DLG2: variants seen among roughly 807,000 people sequenced by gnomAD.
DLG2 encodes the protein disks large homolog 2.
In DLG2, 45 loss-of-function variants were observed where a neutral mutation model predicts 132.5. The observed-to-expected ratio is 0.34, with a 90% CI of 0.27 to 0.44. The LOEUF is 0.44. Among genes scored for constraint, DLG2 ranks in the 20% least tolerant of loss-of-function variants. DLG2 has a pLI of 1.00. For missense variants in DLG2, 1,045 were observed against 1,196.9 expected, an observed-to-expected ratio of 0.87 and a Z score of 1.87; for synonymous variants, 424 against 419.6, an observed-to-expected ratio of 1.01 and a Z score of -0.13.
intron 14 of DLG2, among the ~76,000 whole-genome samples, chr11:83,943,370 A>C (rs2083097615): frequency 6.6e-6 from 1 of 152,248 alleles, no homozygotes; most frequent in South Asian, 2.1e-4. Context: ...AGATCCACAC[A>C]TTCTTAACCC....
chr11:85,271,249 T>C (rs951988445), intron 4 of DLG2, among the ~76,000 whole-genome samples: 1 of 152,224 alleles, frequency 6.6e-6, no homozygotes, highest in African/African-American at 2.4e-5. Context: ...TGCTTTCATG[T>C]GGCATTGAGC....
At chr11:84,819,076 T>TACACACACACACATAC (rs2077386092) in intron 6 of DLG2, among the ~76,000 whole-genome samples, 1 of 129,420 alleles carries the variant, frequency 7.7e-6, no homozygotes, top group Non-Finnish European at 1.6e-5. Flanking sequence ...CACTCACAAA[T>TACACACACACACATAC]ACACACACAC....
chr11:84,650,583 G>C (rs189532815), intron 6 of DLG2, among the ~76,000 whole-genome samples: 2 of 152,050 alleles, frequency 1.3e-5, no homozygotes, highest in East Asian at 3.9e-4. Flanking sequence ...AGACACAGAG[G>C]GATTAAGAAA....
chr11:84,979,760 C>A (rs932890721), intron 6 of DLG2, among the ~76,000 whole-genome samples: 2 of 151,968 alleles, frequency 1.3e-5, no homozygotes, highest in South Asian at 2.1e-4. Context: ...ACATATGTAA[C>A]AAACCTGCAT....
chr11:85,521,419 G>A (rs2074303456), intron 3 of DLG2, among the ~76,000 whole-genome samples: 1 of 152,204 alleles, frequency 6.6e-6, no homozygotes, highest in Non-Finnish European at 1.5e-5. Flanking sequence ...GTGGAACTGT[G>A]AGTCAATTAA....
chr11:84,018,891 C>G (rs1322602045), intron 11 of DLG2, among the ~76,000 whole-genome samples: 1 of 150,842 alleles, frequency 6.6e-6, no homozygotes, highest in Non-Finnish European at 1.5e-5. Flanking sequence ...TCCAGGAAAA[C>G]ATATAGGAAT....
chr11:84,914,977 A>G (rs1171929982), intron 6 of DLG2, among the ~76,000 whole-genome samples: 1 of 152,208 alleles, frequency 6.6e-6, no homozygotes, highest in Non-Finnish European at 1.5e-5. Context: ...GGCCAGGGAC[A>G]GGGAAGTAAG....
intron 4 of DLG2, among the ~76,000 whole-genome samples, chr11:85,267,383 A>G (rs1405907783): frequency 3.9e-5 from 6 of 152,216 alleles, no homozygotes; most frequent in African/African-American, 1.4e-4. Context: ...CTGTTTTGGC[A>G]GCCCGAACTG....
chr11:85,218,707 A>G (rs990426802), intron 4 of DLG2, among the ~76,000 whole-genome samples: 3 of 152,206 alleles, frequency 2.0e-5, no homozygotes, highest in Admixed American at 2.0e-4. Flanking sequence ...TAGTAATCCC[A>G]TTACTAGGTA....
At chr11:84,064,189 T>A (rs558291260) in intron 10 of DLG2, among the ~76,000 whole-genome samples, 2 of 152,308 alleles carry the variant, frequency 1.3e-5, no homozygotes, top group South Asian at 4.1e-4. Context: ...TTTAAGTATG[T>A]TAACTCATTT....
At chr11:84,951,535 G>A (rs1211913417) in intron 6 of DLG2, among the ~76,000 whole-genome samples, 6 of 151,366 alleles carry the variant, frequency 4.0e-5, no homozygotes, top group Non-Finnish European at 5.9e-5. Context: ...ATACCGACGA[G>A]CATTAAAATT....
chr11:83,574,515 G>A (rs756083190), intron 19 of DLG2, among the ~76,000 whole-genome samples: 3 of 152,102 alleles, frequency 2.0e-5, no homozygotes. Flanking sequence ...GCTGTGATCT[G>A]ATCATTTCTC....
intron 3 of DLG2, among the ~76,000 whole-genome samples, chr11:85,374,114 T>C (rs2085208044): frequency 6.6e-6 from 1 of 152,090 alleles, no homozygotes; most frequent in Admixed American, 6.6e-5. Flanking sequence ...CAAGGAATTA[T>C]ATGAAAAAAA....
chr11:85,588,600 T>G (rs981928132), intron 3 of DLG2, among the ~76,000 whole-genome samples: 3 of 152,290 alleles, frequency 2.0e-5, no homozygotes, highest in Non-Finnish European at 4.4e-5. Flanking sequence ...TTTTTTAAAT[T>G]TGTTTAAATT....
intron 3 of DLG2, among the ~76,000 whole-genome samples, chr11:85,291,827 C>T (rs1396870474): frequency 6.6e-6 from 1 of 151,982 alleles, no homozygotes; most frequent in Non-Finnish European, 1.5e-5. Context: ...TCAAGTGATC[C>T]ACCCGCCTCA....
At chr11:85,274,580 A>G (rs899802309) in intron 4 of DLG2, among the ~76,000 whole-genome samples, 2 of 152,130 alleles carry the variant, frequency 1.3e-5, no homozygotes, top group South Asian at 2.1e-4. Context: ...TCAGAAAATG[A>G]TATCTCCAAA....
At chr11:84,625,004 G>T (rs1019378319) in intron 6 of DLG2, among the ~76,000 whole-genome samples, 2 of 148,696 alleles carry the variant, frequency 1.3e-5, no homozygotes, top group African/African-American at 5.0e-5. Context: ...GGGACTACAG[G>T]CGCCCGCCAC....
At chr11:85,149,550 T>G (rs557205631) in intron 5 of DLG2, among the ~76,000 whole-genome samples, 1 of 152,280 alleles carries the variant, frequency 6.6e-6, no homozygotes, top group African/African-American at 2.4e-5. Flanking sequence ...TTGATCCAGG[T>G]AGTAAATAGC....
At chr11:83,648,196 T>G (rs2068849845) in intron 18 of DLG2, among the ~76,000 whole-genome samples, 1 of 152,080 alleles carries the variant, frequency 6.6e-6, no homozygotes, top group Non-Finnish European at 1.5e-5. Context: ...GTAAGTTTGT[T>G]AAGGCATGAA....
Sources: gnomAD v4.1 joint callset for allele counts (sites outside exome capture counted in the v4.1 genomes callset) on GRCh38, gnomAD v4.1.1 for gene constraint, MANE v1.5 for transcripts, NCBI Gene and HGNC (gene_info 2026-07-23, HGNC 2026-07-21) for gene names.